The following SP3 variants were observed in gnomAD, a reference collection of about 807,000 sequenced individuals.
The protein encoded by SP3 is Sp3 transcription factor.
SP3 carries 10 observed loss-of-function variants against 70.3 expected under a neutral mutation model. That is an observed-to-expected ratio of 0.14 (90% CI 0.09 to 0.24). SP3 has a LOEUF of 0.24. Among genes scored for constraint, SP3 ranks in the 10% least tolerant of loss-of-function variants. The pLI, the probability that SP3 is intolerant of heterozygous loss-of-function variation, is 1.00. For missense variants in SP3, 825 were observed against 914.6 expected (o/e 0.90, Z 1.26); for synonymous variants, 402 against 333.5 (o/e 1.21, Z -2.24).
At chr2:173,952,443 G>A (rs910097710) in intron 4 of SP3, among the ~76,000 whole-genome samples, 1 of 152,160 alleles carries the variant, frequency 6.6e-6, no homozygotes, top group Non-Finnish European at 1.5e-5. Context: ...TAAGGTTGGT[G>A]GCGCTAGAGA....
intron 4 of SP3, among the ~76,000 whole-genome samples, chr2:173,927,078 G>T (rs1198785564): frequency 6.6e-6 from 1 of 151,904 alleles, no homozygotes. Context: ...CAAGAGGGTG[G>T]CAAGAGGTGC....
At chr2:173,936,183 CCTGG>C (rs1344522022) in intron 4 of SP3, among the ~76,000 whole-genome samples, 1 of 152,158 alleles carries the variant, frequency 6.6e-6, no homozygotes, top group Non-Finnish European at 1.5e-5. Context: ...CGCCACCACA[CCTGG>C]CTAATTTTTT....
chr2:173,947,442 TA>T (rs774424903), intron 4 of SP3, among the ~76,000 whole-genome samples: 1 of 151,348 alleles, frequency 6.6e-6, no homozygotes, highest in Non-Finnish European at 1.5e-5. Flanking sequence ...ACTACCAGTT[TA>T]AAAAAAAAGA....
rs572835204 is a variant in SP3, at chr2:173,934,236, TA to T, written c.1640-15452del. Among the ~76,000 whole-genome samples the T allele has an allele frequency of 4.1e-3, 557 of 136,116 alleles. 3 individuals carry two copies. Among genetic ancestry groups the T allele is most frequent in the Middle Eastern group, 7.4e-3 (2 of 272 alleles). 89.3% of individuals were successfully genotyped at this position (136,116 alleles called of 152,430 possible). A position where few individuals can be genotyped will look rare whatever the true frequency, so the allele number is the denominator to read the frequency against. ...GTCTGAGTGAGAGAGAACTTGTCTC[TA>T]AAAAAAAAAAAGAGCAAACACTTAA... On this transcript the variant is annotated intron_variant, in intron 4 of 6. Transcript: ENST00000310015.
intron 4 of SP3, among the ~76,000 whole-genome samples, chr2:173,943,436 T>C (rs1690436414): frequency 6.6e-6 from 1 of 152,188 alleles, no homozygotes; most frequent in Admixed American, 6.5e-5. Context: ...TTCCTAACCA[T>C]CATATTTAAA....
intron 4 of SP3, among the ~76,000 whole-genome samples, chr2:173,922,612 T>A (rs12470645): frequency 0.041 from 6,214 of 151,826 alleles, 198 homozygotes; most frequent in Admixed American, 0.1. Context: ...AGAACCAGCA[T>A]AGGGGACTGA....
intron 4 of SP3, among the ~76,000 whole-genome samples, chr2:173,952,297 G>A (rs367636646): frequency 6.6e-6 from 1 of 152,092 alleles, no homozygotes; most frequent in South Asian, 2.1e-4. Context: ...CAGCAAAAAT[G>A]CTTTATTAAG....
At chr2:173,914,390 C>T (rs916335896) in intron 5 of SP3, 2 of 151,936 alleles carry the variant, frequency 1.3e-5, no homozygotes, top group African/African-American at 4.8e-5. Context: ...GTATACAATA[C>T]ACCTATCGTT....
intron 4 of SP3, among the ~76,000 whole-genome samples, chr2:173,939,003 C>T (rs1239844045): frequency 6.6e-6 from 1 of 152,110 alleles, no homozygotes; most frequent in Non-Finnish European, 1.5e-5. Flanking sequence ...GTCAGGAATG[C>T]TCCTCAACAT....
At chr2:173,951,608 T>C (rs925370148) in intron 4 of SP3, among the ~76,000 whole-genome samples, 1 of 152,208 alleles carries the variant, frequency 6.6e-6, no homozygotes, top group African/African-American at 2.4e-5. Context: ...GGCTGAACCA[T>C]ATGAAGAGTA....
intron 4 of SP3, among the ~76,000 whole-genome samples, chr2:173,935,207 C>T (rs1185665639): frequency 6.6e-6 from 1 of 152,102 alleles, no homozygotes; most frequent in Non-Finnish European, 1.5e-5. Flanking sequence ...TGTACTCCAG[C>T]CTGGGTGAGA....
chr2:173,940,895 A>T (rs1256070398), intron 4 of SP3, among the ~76,000 whole-genome samples: 1 of 152,090 alleles, frequency 6.6e-6, no homozygotes. Flanking sequence ...TGTATCTCTG[A>T]ATGTCTATCC....
rs761691677 is a variant in SP3, at chr2:173,902,531, T to C, written c.*7410A>G. Among the ~76,000 whole-genome samples the C allele has an allele frequency of 1.3e-5, 2 of 152,246 alleles. No homozygotes were observed. Among genetic ancestry groups the C allele is most frequent in the Admixed American group, 6.5e-5 (1 of 15,286 alleles). ...ACAAGGAAATATGTCAATTATTTCA[T>C]TGCAGCATTGTTTATAAGTCAAAAA... On this transcript the variant is annotated 3_prime_UTR_variant, in exon 7 of 7. Transcript: ENST00000310015.
chr2:173,948,805 A>G (rs1422686477), intron 4 of SP3, among the ~76,000 whole-genome samples: 1 of 152,182 alleles, frequency 6.6e-6, no homozygotes, highest in African/African-American at 2.4e-5. Flanking sequence ...AAATCGTTGG[A>G]AAATCAGAAT....
At position 173,905,293 on chromosome 2, in the gene SP3, T is replaced by TTTGAATC. The variant is rs1280840958; in HGVS notation, c.*4641_*4647dup. On this transcript the variant is annotated 3_prime_UTR_variant, in exon 7 of 7. Coordinates refer to ENST00000310015, the MANE Select transcript of SP3 (RefSeq NM_003111.5). ...GGAAGGCATTGGAAGGAGGTTACCATTTGAATCTCTACCGTTAAGTCAGGC... is the reference window on the plus strand; with the variant it reads ...GGAAGGCATTGGAAGGAGGTTACCATTTGAATCTTGAATCTCTACCGTTAAGTCAGGC... Among the ~76,000 whole-genome samples, 1 of 152,222 alleles carries TTTGAATC rather than the reference T, an allele frequency of 6.6e-6. No homozygotes were observed. The highest frequency in any genetic ancestry group is 1.5e-5 in the Non-Finnish European group (1 of 68,044).
chr2:173,948,218 T>C lies in SP3; in HGVS notation c.1639+6655A>G, dbSNP rs181820434. 8.5e-5 allele frequency among the ~76,000 whole-genome samples: 13 copies of C among 152,354 alleles called. No homozygotes were observed. In the East Asian group the frequency reaches 2.5e-3, roughly 29 times the overall value. ...GCAAGTATAGGAAGTCCTTATACCC[T>C]TATCCAAGGTTTTGCTTTCCACAAT... is the stretch of plus-strand genomic sequence containing the variant. On this transcript the variant is annotated intron_variant, in intron 4 of 6. Transcript: ENST00000310015.
intron 4 of SP3, among the ~76,000 whole-genome samples, chr2:173,946,702 G>T (rs1415799614): frequency 1.3e-5 from 2 of 149,984 alleles, no homozygotes; most frequent in African/African-American, 4.9e-5. Context: ...CATCTGTGTG[G>T]CTAAAAAGAA....
At chr2:173,913,292 A>C in intron 5 of SP3, 26 bp from the exon 6 acceptor site, 6 of 1,427,916 alleles carry the variant, frequency 4.2e-6, no homozygotes, top group Non-Finnish European at 5.6e-6. Flanking sequence ...AGAATAATAT[A>C]TACTTATATG....
rs878903885 is a variant in SP3, at chr2:173,965,231, A to AGGC, written c.-63_-61dup. 1.4e-5 allele frequency: 21 copies of AGGC among 1,524,412 alleles called. No homozygotes were observed. Among genetic ancestry groups the AGGC allele is most frequent in the East Asian group, 2.5e-5 (1 of 39,888 alleles). The allele number at this position is 1,524,412 out of a possible 1,614,324, so 94.4% of individuals were successfully genotyped here. ...CCGCCTTACACATGGTGAGGAGCGA[A>AGGC]GGCGGCGGCGGCGGGAGAGGATGCG... On this transcript the variant is annotated 5_prime_UTR_variant, in exon 1 of 7. Transcript: ENST00000310015.
Sources: gnomAD v4.1 joint callset for allele counts (sites outside exome capture counted in the v4.1 genomes callset) on GRCh38, gnomAD v4.1.1 for gene constraint, MANE v1.5 for transcripts, NCBI Gene and HGNC (gene_info 2026-07-23, HGNC 2026-07-21) for gene names.